The following MAF variants were observed in gnomAD, a reference collection of about 807,000 sequenced individuals.
The protein encoded by MAF is transcription factor Maf.
MAF carries 10 observed loss-of-function variants against 22.0 expected under a neutral mutation model. That is an observed-to-expected ratio of 0.45 (90% CI 0.28 to 0.77). MAF has a LOEUF of 0.77. Ranked by LOEUF, MAF falls within the 30% of genes least tolerant of loss-of-function variation. The pLI is 0.12. For synonymous variants in MAF, 337 were observed against 255.8 expected (o/e 1.32, Z -3.03); for missense variants, 544 against 548.4 (o/e 0.99, Z 0.08).
chr16:79,364,250 G>A, the MAF span, among the ~76,000 whole-genome samples: 19 of 152,322 alleles, frequency 1.2e-4, no homozygotes, highest in African/African-American at 3.6e-4. Context: ...GAATGTGGAG[G>A]ATGATGTGGG....
the MAF span, among the ~76,000 whole-genome samples, chr16:79,239,296 T>C: frequency 9.9e-5 from 15 of 152,184 alleles, no homozygotes; most frequent in African/African-American, 3.6e-4. Flanking sequence ...TCTTAAGTAG[T>C]GTCACTGACC....
chr16:79,317,680 T>A, the MAF span, among the ~76,000 whole-genome samples: 2 of 151,954 alleles, frequency 1.3e-5, no homozygotes, highest in African/African-American at 4.8e-5. Flanking sequence ...CAGCCTAGGG[T>A]GGAGGCAGAT....
the MAF span, among the ~76,000 whole-genome samples, chr16:79,414,538 C>T: frequency 1.3e-5 from 2 of 152,208 alleles, no homozygotes; most frequent in African/African-American, 4.8e-5. Context: ...CCAGGCCCCA[C>T]CTCCAATACT....
At chr16:79,492,259 A>G in the MAF span, among the ~76,000 whole-genome samples, 1 of 152,144 alleles carries the variant, frequency 6.6e-6, no homozygotes, top group African/African-American at 2.4e-5. Context: ...GGCTGGGATT[A>G]GGGTGAGGTG....
the MAF span, among the ~76,000 whole-genome samples, chr16:79,311,451 T>C: frequency 6.7e-6 from 1 of 150,262 alleles, no homozygotes; most frequent in Non-Finnish European, 1.5e-5. Flanking sequence ...ACTGTGCAAA[T>C]GGGCATCACA....
chr16:79,583,763 C>G (rs73587057), downstream of MAF, among the ~76,000 whole-genome samples: 2,505 of 152,272 alleles, frequency 0.016, 72 homozygotes, highest in African/African-American at 0.057. Flanking sequence ...ACCTTTAGCG[C>G]GAGGTTAAAA....
At chr16:79,283,506 C>G in the MAF span, among the ~76,000 whole-genome samples, 6 of 152,270 alleles carry the variant, frequency 3.9e-5, no homozygotes, top group East Asian at 1.2e-3. Context: ...CATCCAACGC[C>G]TTTAGGTCAC....
the MAF span, among the ~76,000 whole-genome samples, chr16:79,298,830 C>T: frequency 6.6e-6 from 1 of 152,260 alleles, no homozygotes; most frequent in Non-Finnish European, 1.5e-5. Flanking sequence ...AGAGGCCCCT[C>T]AGAGGTTATA....
chr16:79,307,727 G>A, the MAF span, among the ~76,000 whole-genome samples: 11 of 152,282 alleles, frequency 7.2e-5, no homozygotes, highest in African/African-American at 2.6e-4. Flanking sequence ...CCCCATACCT[G>A]TTTTTCTGGA....
the MAF span, among the ~76,000 whole-genome samples, chr16:79,239,680 C>A: frequency 6.6e-6 from 1 of 152,172 alleles, no homozygotes; most frequent in Admixed American, 6.6e-5. Flanking sequence ...TATTCTTTGT[C>A]CCTCTCAATA....
the MAF span, among the ~76,000 whole-genome samples, chr16:79,579,149 T>C: frequency 6.6e-6 from 1 of 152,150 alleles, no homozygotes; most frequent in Non-Finnish European, 1.5e-5. Context: ...AGACAGAGAA[T>C]TCTAGTGCGC....
chr16:79,210,336 C>G, the MAF span, among the ~76,000 whole-genome samples: 15 of 152,340 alleles, frequency 9.8e-5, no homozygotes, highest in South Asian at 2.1e-4. Context: ...GGACCTGACT[C>G]TCCCAGGGAT....
chr16:79,246,622 G>C, the MAF span, among the ~76,000 whole-genome samples: 61 of 152,010 alleles, frequency 4.0e-4, no homozygotes, highest in Middle Eastern at 3.4e-3. Context: ...AGAAAACATG[G>C]AAATGGGATA....
At chr16:79,508,875 C>T in the MAF span, among the ~76,000 whole-genome samples, 1,614 of 152,006 alleles carry the variant, frequency 0.011, 14 homozygotes, top group Non-Finnish European at 0.014. Flanking sequence ...GGGAATGGGG[C>T]GTGACTCTTA....
chr16:79,217,701 T>C, the MAF span, among the ~76,000 whole-genome samples: 5 of 152,160 alleles, frequency 3.3e-5, no homozygotes, highest in African/African-American at 1.2e-4. Flanking sequence ...CCTAAGTTTC[T>C]TTCAACTCCA....
chr16:79,391,278 A>T, the MAF span, among the ~76,000 whole-genome samples: 1 of 152,336 alleles, frequency 6.6e-6, no homozygotes, highest in East Asian at 1.9e-4. Context: ...TTGCAGCATT[A>T]AGAAGCTATG....
At chr16:79,242,964 A>G in the MAF span, among the ~76,000 whole-genome samples, 2 of 152,062 alleles carry the variant, frequency 1.3e-5, no homozygotes, top group Non-Finnish European at 2.9e-5. Flanking sequence ...GGTAAATAAC[A>G]AAATGAAGGC....
the MAF span, among the ~76,000 whole-genome samples, chr16:79,403,295 G>A: frequency 6.6e-6 from 1 of 152,184 alleles, no homozygotes; most frequent in African/African-American, 2.4e-5. Context: ...GCCCTGGAGC[G>A]GTATAGGGGC....
chr16:79,249,974 G>T, the MAF span, among the ~76,000 whole-genome samples: 1 of 152,288 alleles, frequency 6.6e-6, no homozygotes, highest in East Asian at 1.9e-4. Flanking sequence ...TCCCAGAGGG[G>T]TTAATTTTTC....
Sources: gnomAD v4.1 joint callset for allele counts (sites outside exome capture counted in the v4.1 genomes callset) on GRCh38, gnomAD v4.1.1 for gene constraint, MANE v1.5 for transcripts, NCBI Gene and HGNC (gene_info 2026-07-23, HGNC 2026-07-21) for gene names.